TEX9: variants seen among roughly 807,000 people sequenced by gnomAD.
TEX9 encodes testis-expressed protein 9.
Under a neutral mutation model 59.6 loss-of-function variants are expected in TEX9, and 74 were observed. That is an observed-to-expected ratio of 1.24 (90% CI 1.03 to 1.51). The LOEUF is 1.51. TEX9 is among the 40% of genes most tolerant of loss of function. The pLI is 0.00. For synonymous variants in TEX9, 186 were observed against 152.2 expected (o/e 1.22, Z -1.64); for missense variants, 522 against 447.8 (o/e 1.17, Z -1.49).
chr15:56,381,190 ACT>A (rs1271906028), intron 3 of TEX9, among the ~76,000 whole-genome samples: 3 of 151,568 alleles, frequency 2.0e-5, no homozygotes, highest in Non-Finnish European at 4.4e-5. Flanking sequence ...CTATTAAGAG[ACT>A]CTGATGCAGC....
intron 12 of TEX9, chr15:56,429,365 A>T: frequency 1.9e-6 from 1 of 540,140 alleles, no homozygotes; most frequent in South Asian, 2.4e-5. Flanking sequence ...AAGACTTTAC[A>T]TATATATTGA....
At chr15:56,274,907 A>T (rs1295833356) in intron 1 of TEX9, among the ~76,000 whole-genome samples, 1 of 152,118 alleles carries the variant, frequency 6.6e-6, no homozygotes, top group Non-Finnish European at 1.5e-5. Flanking sequence ...TTTTTCTTGA[A>T]GTTCCTAATC....
At chr15:56,457,236 T>C in the TEX9 span, among the ~76,000 whole-genome samples, 1 of 152,206 alleles carries the variant, frequency 6.6e-6, no homozygotes, top group African/African-American at 2.4e-5. Flanking sequence ...CCCCAGGATA[T>C]ATCACTGAAC....
chr15:56,341,291 T>G (rs1451382526), intron 1 of TEX9, among the ~76,000 whole-genome samples: 3 of 152,160 alleles, frequency 2.0e-5, no homozygotes, highest in South Asian at 2.1e-4. Flanking sequence ...CTCCCATACT[T>G]CTTAAATGCC....
At chr15:56,409,481 T>C (rs1020309643) in intron 9 of TEX9, among the ~76,000 whole-genome samples, 1 of 152,140 alleles carries the variant, frequency 6.6e-6, no homozygotes, top group African/African-American at 2.4e-5. Context: ...TCTGGAATTC[T>C]TTCCCCAAGA....
At position 56,409,593 on chromosome 15, in the gene TEX9, C is replaced by G. The variant is rs573686836; in HGVS notation, c.829-2709C>G. On this transcript the variant is annotated intron_variant, in intron 9 of 12. Transcript: ENST00000352903. Reference sequence around the variant, plus strand: ...ATGGCTTACTACAGCCTTGACCTCCCCAGCTCAAGCAATCCTTCTGCCTCA... The same window carrying G: ...ATGGCTTACTACAGCCTTGACCTCCGCAGCTCAAGCAATCCTTCTGCCTCA... Among the ~76,000 whole-genome samples the G allele has an allele frequency of 3.3e-5, 5 of 152,254 alleles. No homozygotes were observed. In the South Asian group the frequency reaches 8.3e-4, roughly 25 times the overall value.
intron 3 of TEX9, among the ~76,000 whole-genome samples, chr15:56,377,617 C>A (rs117404221): frequency 0.015 from 2,356 of 152,094 alleles, 83 homozygotes; most frequent in East Asian, 0.13. Context: ...CTGAGTTTAT[C>A]ATTTCTAATA....
chr15:56,271,537 G>C (rs1829925052), intron 1 of TEX9, among the ~76,000 whole-genome samples: 1 of 152,074 alleles, frequency 6.6e-6, no homozygotes, highest in African/African-American at 2.4e-5. Context: ...GACCTCAGGT[G>C]ATCCACCCAC....
intron 2 of TEX9, among the ~76,000 whole-genome samples, chr15:56,372,442 T>G (rs1335092511): frequency 2.0e-5 from 3 of 152,160 alleles, no homozygotes; most frequent in Non-Finnish European, 2.9e-5. Context: ...CCTCAGAAGA[T>G]CCTAGGTGGT....
Position 56,346,177 on chromosome 15 carries a change from T to C in TEX9, c.-106-27264T>C, listed in dbSNP as rs148918681. On this transcript the variant is annotated intron_variant, in intron 1 of 5. Coordinates refer to the TEX9 transcript ENST00000560827. The stretch of plus-strand genomic sequence containing the variant: ...AAACAGATACAGTGAAGGCTCTCAA[T>C]CGGCAAGAAGAAGTCCCAGTGAAAG... Among the ~76,000 whole-genome samples the C allele has an allele frequency of 3.8e-3, 584 of 152,294 alleles. 3 individuals are homozygous for C. The highest frequency in any genetic ancestry group is 0.013 in the African/African-American group (559 of 41,564).
Position 56,288,036 on chromosome 15 carries a change from G to A in TEX9, c.-107+43758G>A, listed in dbSNP as rs146786791. Among the ~76,000 whole-genome samples the A allele has an allele frequency of 4.6e-3, 703 of 152,180 alleles. 8 individuals carry two copies. The highest frequency in any genetic ancestry group is 0.015 in the African/African-American group (632 of 41,542). On this transcript the variant is annotated intron_variant, in intron 1 of 5. Coordinates refer to the TEX9 transcript ENST00000560827. ...GATTTCATGTCCTTTGGATATATACGCAGTAGTGAGATTGCTGGATCATAT... is the reference window on the plus strand; with the variant it reads ...GATTTCATGTCCTTTGGATATATACACAGTAGTGAGATTGCTGGATCATAT...
chr15:56,394,232 T>C, exon 8 of TEX9: 4 of 1,605,580 alleles, frequency 2.5e-6, no homozygotes, highest in Non-Finnish European at 2.5e-6. Context: ...ATGTTGTATG[T>C]GAATGCAATA....
chr15:56,434,941 T>C (rs1008385748), intron 12 of TEX9, among the ~76,000 whole-genome samples: 1 of 152,124 alleles, frequency 6.6e-6, no homozygotes, highest in South Asian at 2.1e-4. Flanking sequence ...TCAAATATAG[T>C]TGGAACAGTT....
intron 1 of TEX9, among the ~76,000 whole-genome samples, chr15:56,317,187 A>G (rs983261178): frequency 3.9e-5 from 6 of 152,212 alleles, no homozygotes; most frequent in Non-Finnish European, 5.9e-5. Flanking sequence ...CCTTGTGGGA[A>G]GTTTTTAATT....
chr15:56,252,011 C>G (rs1293145641), intron 1 of TEX9, among the ~76,000 whole-genome samples: 1 of 152,142 alleles, frequency 6.6e-6, no homozygotes, highest in East Asian at 1.9e-4. Context: ...TTCTCCTCCC[C>G]CAGAGAGTCT....
At chr15:56,300,709 GA>G (rs2045334795) in intron 1 of TEX9, among the ~76,000 whole-genome samples, 72 of 38,764 alleles carry the variant, frequency 1.9e-3, no homozygotes, top group Non-Finnish European at 3.4e-3. Flanking sequence ...GAGAGAGAGG[GA>G]GAGAGAGAGA....
intron 12 of TEX9, chr15:56,429,481 A>AGGAAGGCACTTCATCTATACT: frequency 3.5e-6 from 1 of 289,296 alleles, no homozygotes; most frequent in Middle Eastern, 1.0e-3. Context: ...TTACCTAGAT[A>AGGAAGGCACTTCATCTATACT]GGAAGGCACT....
chr15:56,387,431 T>C (rs1403220183), intron 4 of TEX9, among the ~76,000 whole-genome samples: 2 of 152,008 alleles, frequency 1.3e-5, no homozygotes, highest in African/African-American at 2.4e-5. Flanking sequence ...ATTTTTAACA[T>C]ATTTTGAAAG....
At chr15:56,423,520 C>T (rs1230799534) in intron 10 of TEX9, among the ~76,000 whole-genome samples, 1 of 152,016 alleles carries the variant, frequency 6.6e-6, no homozygotes, top group Non-Finnish European at 1.5e-5. Flanking sequence ...TCGTTAACAT[C>T]TTATTGAGAT....
Sources: allele counts gnomAD v4.1 joint callset (sites outside exome capture counted in the v4.1 genomes callset), GRCh38; gene constraint gnomAD v4.1.1; transcripts MANE v1.5; gene names NCBI Gene and HGNC (gene_info 2026-07-23, HGNC 2026-07-21).